TMEM17: variants seen among roughly 807,000 people sequenced by gnomAD.
TMEM17 encodes the protein transmembrane protein 17.
A neutral mutation model predicts 19.1 loss-of-function variants in TMEM17; 15 were observed. The ratio of observed to expected loss-of-function variants is 0.78; its 90% CI spans 0.52 to 1.21. The LOEUF (loss-of-function observed/expected upper bound fraction) is 1.21, where lower values mean the gene tolerates loss of function less well. TMEM17 is among the 50% of genes most tolerant of loss of function. TMEM17 has a pLI of 0.00. For synonymous variants in TMEM17, 103 were observed against 86.9 expected (o/e 1.19, Z -1.03); for missense variants, 245 against 242.3 (o/e 1.01, Z -0.07).
At chr2:62,505,014 C>T (rs868636736) in intron 1 of TMEM17, among the ~76,000 whole-genome samples, 43 of 152,118 alleles carry the variant, frequency 2.8e-4, no homozygotes, top group African/African-American at 9.9e-4. Flanking sequence ...GAACCAGAAA[C>T]GTGAAAACCT....
the TMEM17 span, among the ~76,000 whole-genome samples, chr2:62,469,199 C>T: frequency 6.6e-6 from 1 of 152,168 alleles, no homozygotes; most frequent in African/African-American, 2.4e-5. Context: ...TGGCATATTC[C>T]AACCTCAGGT....
At chr2:62,472,832 G>A in the TMEM17 span, among the ~76,000 whole-genome samples, 3 of 152,156 alleles carry the variant, frequency 2.0e-5, no homozygotes, top group Non-Finnish European at 4.4e-5. Context: ...GCACATGGAG[G>A]TTTAAGATAT....
the TMEM17 span, among the ~76,000 whole-genome samples, chr2:62,469,306 G>T: frequency 6.6e-6 from 1 of 152,198 alleles, no homozygotes; most frequent in Non-Finnish European, 1.5e-5. Flanking sequence ...GACATGTTAT[G>T]CAAGGCTGGG....
the TMEM17 span, among the ~76,000 whole-genome samples, chr2:62,481,700 T>G: frequency 7.1e-5 from 6 of 84,860 alleles, no homozygotes; most frequent in African/African-American, 2.7e-4. Context: ...CCCTTAAAGG[T>G]GTGTGTGTGT....
the TMEM17 span, among the ~76,000 whole-genome samples, chr2:62,487,313 T>G: frequency 6.6e-6 from 1 of 152,206 alleles, no homozygotes; most frequent in African/African-American, 2.4e-5. Context: ...ATCACATCAC[T>G]CTGACATTCA....
the TMEM17 span, among the ~76,000 whole-genome samples, chr2:62,476,071 TG>T: frequency 2.1e-5 from 3 of 140,366 alleles, no homozygotes; most frequent in African/African-American, 9.9e-5. Flanking sequence ...GCCTTCCCAC[TG>T]GGGGCGGTCA....
At chr2:62,493,786 G>A in the TMEM17 span, among the ~76,000 whole-genome samples, 2 of 152,034 alleles carry the variant, frequency 1.3e-5, no homozygotes, top group Non-Finnish European at 2.9e-5. Flanking sequence ...ACCATTCATC[G>A]CCTACAGCAT....
At position 62,500,483 on chromosome 2, in the gene TMEM17, T is replaced by C. The variant is rs1679898154; in HGVS notation, c.*726A>G. 2 of 152,212 alleles carry C rather than the reference T, an allele frequency of 1.3e-5. No homozygotes were observed. The highest frequency in any genetic ancestry group is 1.3e-4 in the Admixed American group (2 of 15,282). The allele number at this position is 152,212 out of a possible 1,614,324, so 9.4% of individuals were successfully genotyped here. A position where few individuals can be genotyped will look rare whatever the true frequency, so the allele number is the denominator to read the frequency against. ...TTTTTTGAGATGGAGTCTTGCTCTG[T>C]CACCCAGGATGGAGTACAGTGGCTT... On this transcript the variant is annotated 3_prime_UTR_variant, in exon 4 of 4. Transcript: ENST00000335390.
the TMEM17 span, among the ~76,000 whole-genome samples, chr2:62,493,431 G>C: frequency 6.6e-6 from 1 of 152,148 alleles, no homozygotes; most frequent in Non-Finnish European, 1.5e-5. Context: ...TGGTAAAGTT[G>C]AGGAGACATT....
chr2:62,502,094 A>C, intron 3 of TMEM17: 1 of 167,184 alleles, frequency 6.0e-6, no homozygotes, highest in Non-Finnish European at 1.3e-5. Context: ...TTTCTTATTC[A>C]GGATCCAAAT....
At chr2:62,499,253 T>G (rs562916326), downstream of TMEM17, among the ~76,000 whole-genome samples, 4 of 152,312 alleles carry the variant, frequency 2.6e-5, no homozygotes, top group African/African-American at 9.6e-5. Flanking sequence ...AAAGTTTAAA[T>G]GTACCAGAAG....
the TMEM17 span, among the ~76,000 whole-genome samples, chr2:62,481,242 C>G: frequency 6.6e-6 from 1 of 152,012 alleles, no homozygotes; most frequent in Non-Finnish European, 1.5e-5. Flanking sequence ...TCTTTTTCAG[C>G]TTGTTCATTG....
chr2:62,478,320 C>T, the TMEM17 span, among the ~76,000 whole-genome samples: 4 of 152,262 alleles, frequency 2.6e-5, no homozygotes, highest in East Asian at 1.9e-4. Flanking sequence ...TTGCTTGTAA[C>T]GAGTTCCCTG....
intron 2 of TMEM17, 35 bp downstream of exon 2, chr2:62,502,656 G>C (rs747247703): frequency 1.2e-5 from 18 of 1,526,234 alleles, no homozygotes; most frequent in Admixed American, 5.9e-5. Flanking sequence ...CTCTAACAAC[G>C]TCAGGGCAGC....
At chr2:62,488,205 C>T in the TMEM17 span, among the ~76,000 whole-genome samples, 1 of 152,138 alleles carries the variant, frequency 6.6e-6, no homozygotes, top group Non-Finnish European at 1.5e-5. Flanking sequence ...CGAGCTTTGT[C>T]ATTTCCTCTT....
At chr2:62,497,336 A>C (rs1679802335), downstream of TMEM17, among the ~76,000 whole-genome samples, 1 of 152,210 alleles carries the variant, frequency 6.6e-6, no homozygotes, top group Admixed American at 6.5e-5. Context: ...TTCAGAATAG[A>C]GTTCTGAAAA....
At chr2:62,506,007 T>C in intron 1 of TMEM17, 23 bp downstream of exon 1, 1 of 1,595,384 alleles carries the variant, frequency 6.3e-7, no homozygotes, top group Non-Finnish European at 8.6e-7. Flanking sequence ...CCACACCCCC[T>C]GCACCGGGCC....
the TMEM17 span, among the ~76,000 whole-genome samples, chr2:62,466,056 A>G: frequency 1.3e-5 from 2 of 152,304 alleles, no homozygotes; most frequent in East Asian, 3.9e-4. Flanking sequence ...TGCCTTTCAG[A>G]AAGGCCCAAA....
the TMEM17 span, among the ~76,000 whole-genome samples, chr2:62,457,605 G>A: frequency 1.3e-5 from 2 of 151,424 alleles, no homozygotes; most frequent in African/African-American, 2.4e-5. The surrounding 1 kb of genome is among the most constrained non-coding windows in gnomAD (Gnocchi z 4.2). Context: ...AAGTCCTCGT[G>A]GTTCTACCTT....
Sources: gnomAD v4.1 joint callset for allele counts (sites outside exome capture counted in the v4.1 genomes callset) on GRCh38, gnomAD v4.1.1 for gene constraint, Gnocchi (gnomAD v3.1) non-coding constraint, MANE v1.5 for transcripts, NCBI Gene and HGNC (gene_info 2026-07-23, HGNC 2026-07-21) for gene names.